MYH11: variants seen among roughly 807,000 people sequenced by gnomAD.
MYH11 encodes myosin-11.
A neutral mutation model predicts 246.6 loss-of-function variants in MYH11; 80 were observed. The ratio of observed to expected loss-of-function variants is 0.32; its 90% CI spans 0.27 to 0.39. The LOEUF (loss-of-function observed/expected upper bound fraction) is 0.39. Ranked by LOEUF, MYH11 falls within the 10% of genes least tolerant of loss-of-function variation. The probability of loss-of-function intolerance (pLI) is 1.00; values close to 1 mark genes in which losing one functional copy is unlikely to be tolerated. For synonymous variants in MYH11, 1,071 were observed against 1,015.5 expected (o/e 1.05, Z -1.04); for missense variants, 2,158 against 2,546.8 (o/e 0.85, Z 3.29).
intron 31 of MYH11, among the ~76,000 whole-genome samples, chr16:15,723,094 A>G (rs2151215430): frequency 6.6e-6 from 1 of 152,288 alleles, no homozygotes; most frequent in South Asian, 2.1e-4. Flanking sequence ...ACTAAATCAT[A>G]TTTACTAAAT....
At chr16:15,812,741 T>C (rs1338261194) in intron 3 of MYH11, among the ~76,000 whole-genome samples, 1 of 151,366 alleles carries the variant, frequency 6.6e-6, no homozygotes, top group African/African-American at 2.4e-5. Context: ...GGTGTGGTGG[T>C]GCATGGCTGC....
At chr16:15,770,935 T>C (rs1318122007) in intron 9 of MYH11, among the ~76,000 whole-genome samples, 1 of 151,984 alleles carries the variant, frequency 6.6e-6, no homozygotes, top group South Asian at 2.1e-4. Context: ...AGACAAGAAA[T>C]TAGGTTCTAG....
chr16:15,731,073 T>C (rs553874667), intron 27 of MYH11, among the ~76,000 whole-genome samples: 1 of 152,288 alleles, frequency 6.6e-6, no homozygotes, highest in East Asian at 1.9e-4. Context: ...CCTCCCTCCT[T>C]GGCCTCCCAA....
chr16:15,705,060 A>G (rs2039375270), intron 40 of MYH11, among the ~76,000 whole-genome samples: 1 of 152,088 alleles, frequency 6.6e-6, no homozygotes. Flanking sequence ...GCTCACTGCA[A>G]CCTCTGCCTC....
At chr16:15,774,645 A>G (rs1199484587) in intron 8 of MYH11, among the ~76,000 whole-genome samples, 1 of 152,186 alleles carries the variant, frequency 6.6e-6, no homozygotes, top group Non-Finnish European at 1.5e-5. Flanking sequence ...GCTGGAGTGC[A>G]GTGGTGCAAT....
intron 38 of MYH11, among the ~76,000 whole-genome samples, chr16:15,716,913 G>A (rs1259292324): frequency 1.4e-4 from 21 of 152,232 alleles, no homozygotes; most frequent in Admixed American, 1.4e-3. Flanking sequence ...GGACCATGGA[G>A]ATGCTAAGAG....
At chr16:15,764,551 C>T (rs2041940034) in intron 9 of MYH11, among the ~76,000 whole-genome samples, 1 of 152,090 alleles carries the variant, frequency 6.6e-6, no homozygotes, top group Admixed American at 6.5e-5. Flanking sequence ...GAAACAAGAA[C>T]ATACTGTCTA....
chr16:15,834,246 G>A (rs1305338222), intron 2 of MYH11, among the ~76,000 whole-genome samples: 1 of 152,042 alleles, frequency 6.6e-6, no homozygotes, highest in East Asian at 1.9e-4. Flanking sequence ...CAACATACTG[G>A]CTGGGCGTGG....
chr16:15,772,250 C>T (rs1241396363), intron 8 of MYH11, among the ~76,000 whole-genome samples: 1 of 151,856 alleles, frequency 6.6e-6, no homozygotes, highest in African/African-American at 2.4e-5. Flanking sequence ...CGCCACCACG[C>T]CCGGCTAAAT....
In MYH11 at chr16:15,739,390, C is replaced by T. The variant is rs568287549; in HGVS notation, c.2997+661G>A. Among the ~76,000 whole-genome samples the T allele has an allele frequency of 4.6e-5, 7 of 152,186 alleles. No individual in the cohort carries two copies. In the East Asian group the frequency reaches 1.4e-3, roughly 29 times the overall value. ...TGCTGGGATTGCAGGCATGAGCCAC[C>T]GCACCCGGCCTGCCGCACTCTTAAA... On this transcript the variant is annotated intron_variant, in intron 23 of 40. Transcript: ENST00000300036.
intron 1 of MYH11, among the ~76,000 whole-genome samples, chr16:15,850,933 CTAAA>C (rs2044314552): frequency 6.6e-6 from 1 of 151,942 alleles, no homozygotes; most frequent in Non-Finnish European, 1.5e-5. Context: ...TGCTCATATT[CTAAA>C]TGTCATAAAG....
intron 3 of MYH11, among the ~76,000 whole-genome samples, chr16:15,818,657 C>T (rs999198239): frequency 3.9e-4 from 60 of 152,116 alleles, no homozygotes; most frequent in Admixed American, 1.5e-3. Flanking sequence ...AGGATGGTCT[C>T]GATCTCCTGA....
chr16:15,763,759 C>CCCCCCACACA, intron 10 of MYH11, 37 bp downstream of exon 10: 1 of 1,151,254 alleles, frequency 8.7e-7, no homozygotes, highest in Admixed American at 1.7e-5. Flanking sequence ...CCCCCCAACC[C>CCCCCCACACA]CAAAGTCATT....
At position 15,727,201 on chromosome 16, in the gene MYH11, G is replaced by A. The variant is rs78271041; in HGVS notation, c.3652-147C>T. The A allele has an allele frequency of 4.3e-6, 3 of 698,196 alleles. No homozygotes were observed. In the African/African-American group the frequency reaches 6.0e-5, roughly 14 times the overall value. 43.3% of individuals were successfully genotyped at this position (698,196 alleles called of 1,614,324 possible). On this transcript the variant is annotated intron_variant, in intron 27 of 40. Transcript: ENST00000300036. ...CCAGTAAGAGATTTGGGGTTTTTTT[G>A]TTGTTATTTTTTTTTTGAGATGGAG...
chr16:15,832,065 CTGCTTG>C (rs757233653), intron 2 of MYH11, among the ~76,000 whole-genome samples: 3 of 152,116 alleles, frequency 2.0e-5, no homozygotes, highest in Non-Finnish European at 4.4e-5. Context: ...TGTTCACAAT[CTGCTTG>C]TTCCTTGTGT....
chr16:15,741,833 T>A lies in MYH11; in HGVS notation c.2579A>T (p.Glu860Val), dbSNP rs373789068. Residue 860 changes from glutamate (E) to valine (V), a missense_variant, in exon 21 of 41, where the codon GAA becomes GTA. By Grantham distance (121) the Glu-to-Val change is moderately radical. Coordinates refer to ENST00000300036, the MANE Select transcript of MYH11 (RefSeq NM_002474.3). ...CTGCCGCTCCTTGGTCTTCTGCAGT[T>A]CATCCTCCTTGGCCTGCATCTCCTC... is the stretch of plus-strand genomic sequence containing the variant. The part of the protein sequence containing the change: ...QEEEMQAKED[E>V]LQKTKERQQK... 10 of 1,614,092 alleles carry A rather than the reference T, an allele frequency of 6.2e-6. No individual in the cohort carries two copies. In the African/African-American group the frequency reaches 1.2e-4, roughly 19 times the overall value.
At chr16:15,809,220 G>C (rs1299911337) in intron 3 of MYH11, among the ~76,000 whole-genome samples, 1 of 152,134 alleles carries the variant, frequency 6.6e-6, no homozygotes, top group East Asian at 1.9e-4. Context: ...TGTGTCTAGG[G>C]CAACATCTAA....
In MYH11 at chr16:15,750,576, C is replaced by T. The variant is rs943351167; in HGVS notation, c.1865-245G>A. Among the ~76,000 whole-genome samples the T allele has an allele frequency of 2.6e-5, 4 of 152,192 alleles. No individual in the cohort carries two copies. Among genetic ancestry groups the T allele is most frequent in the African/African-American group, 7.2e-5 (3 of 41,442 alleles). ...CTGACCTAGGAGTCAAGCCTGCTCT[C>T]GCTGTCCACTCACTGACTAGCCTTG... On this transcript the variant is annotated intron_variant, in intron 15 of 40. Transcript: ENST00000300036. This position sits in a 1 kb window ranked among gnomAD's most constrained non-coding sequence, Gnocchi z 4.3.
rs1416019545 is a variant in MYH11, at chr16:15,747,551, T to C, written c.2411+19A>G. 6.2e-7 allele frequency: 1 copy of C among 1,614,140 alleles called. No individual in the cohort carries two copies. The highest frequency in any genetic ancestry group is 8.5e-7 in the Non-Finnish European group (1 of 1,180,014). ...GTGATTCGCGTTTGAGGTATTAGGA[T>C]GCAGGAAAGCATCTTTACTTTCTGG... On this transcript the variant is annotated intron_variant, in intron 19 of 40. Coordinates refer to ENST00000300036, the MANE Select transcript of MYH11 (RefSeq NM_002474.3).
Sources: allele counts gnomAD v4.1 joint callset (sites outside exome capture counted in the v4.1 genomes callset), GRCh38; gene constraint gnomAD v4.1.1; non-coding constraint Gnocchi (gnomAD v3.1); transcripts MANE v1.5; gene names NCBI Gene and HGNC (gene_info 2026-07-23, HGNC 2026-07-21).